The following TIAM1 variants were observed in gnomAD, a reference collection of about 807,000 sequenced individuals.
TIAM1 encodes the protein TIAM Rac1 associated GEF 1.
TIAM1 carries 65 observed loss-of-function variants against 163.5 expected under a neutral mutation model. The ratio of observed to expected loss-of-function variants is 0.40; its 90% CI spans 0.33 to 0.49. The LOEUF (loss-of-function observed/expected upper bound fraction) is 0.49. Ranked by LOEUF, TIAM1 falls within the 20% of genes least tolerant of loss-of-function variation. The pLI is 0.77. For missense variants in TIAM1, 1,789 were observed against 2,044.7 expected (o/e 0.87, Z 2.41); for synonymous variants, 833 against 810.1 (o/e 1.03, Z -0.48).
intron 15 of TIAM1, among the ~76,000 whole-genome samples, chr21:31,172,478 C>G (rs1022370883): frequency 6.6e-6 from 1 of 152,132 alleles, no homozygotes; most frequent in African/African-American, 2.4e-5. Flanking sequence ...AAACAAAGCA[C>G]GACAGCTCTG....
Position 31,225,528 on chromosome 21 carries a change from C to T in TIAM1, c.1809+198G>A, listed in dbSNP as rs192094703. On this transcript the variant is annotated intron_variant, in intron 7 of 27. Transcript: ENST00000541036. ...TCTTTCATTCAATGTAATATTGTTC[C>T]GTTTAGCTATTAACAATCAGCTATG... Among the ~76,000 whole-genome samples, 7 of 152,120 alleles carry T rather than the reference C, an allele frequency of 4.6e-5. No homozygotes were observed. In the East Asian group the frequency reaches 7.7e-4, roughly 17 times the overall value.
chr21:31,504,369 G>T (rs1205564394), intron 1 of TIAM1, among the ~76,000 whole-genome samples: 1 of 152,162 alleles, frequency 6.6e-6, no homozygotes, highest in African/African-American at 2.4e-5. Context: ...TTCATTCCCC[G>T]ATACTTTTCA....
chr21:31,312,710 G>A (rs968337727), intron 2 of TIAM1, among the ~76,000 whole-genome samples: 8 of 152,122 alleles, frequency 5.3e-5, no homozygotes, highest in Non-Finnish European at 1.0e-4. Flanking sequence ...TATGGCCCAA[G>A]TTCTCGAAAG....
intron 2 of TIAM1, among the ~76,000 whole-genome samples, chr21:31,376,047 A>G (rs1439041659): frequency 6.7e-6 from 1 of 149,930 alleles, no homozygotes; most frequent in Non-Finnish European, 1.5e-5. Flanking sequence ...TAAAAAAAAA[A>G]GAGTAGAAAA....
At chr21:31,478,549 G>A (rs1424868545) in intron 1 of TIAM1, among the ~76,000 whole-genome samples, 2 of 152,162 alleles carry the variant, frequency 1.3e-5, no homozygotes, top group Admixed American at 1.3e-4. Context: ...TTTAAATGGA[G>A]TCCTCTGGAA....
chr21:31,475,058 ATTAT>A (rs1340216277), intron 1 of TIAM1, among the ~76,000 whole-genome samples: 4,352 of 56,312 alleles, frequency 0.077, 112 homozygotes, highest in African/African-American at 0.18. Flanking sequence ...TATTATTATT[ATTAT>A]TTAGTTTTAG....
chr21:31,518,779 T>C (rs1383131076), intron 1 of TIAM1, among the ~76,000 whole-genome samples: 1 of 152,264 alleles, frequency 6.6e-6, no homozygotes, highest in East Asian at 1.9e-4. Context: ...GTGCAAGTAA[T>C]AGCAATCTGA....
intron 2 of TIAM1, among the ~76,000 whole-genome samples, chr21:31,410,205 AGT>A (rs1555971303): frequency 3.0e-4 from 45 of 151,454 alleles, no homozygotes; most frequent in Middle Eastern, 3.4e-3. Context: ...AGTGATTGTG[AGT>A]GTGTGTGAGA....
At chr21:31,503,562 A>G in intron 1 of TIAM1, among the ~76,000 whole-genome samples, 1 of 91,658 alleles carries the variant, frequency 1.1e-5, no homozygotes, top group Admixed American at 1.5e-4. Context: ...GGAGGGAAGG[A>G]GGGAAAGAAG....
At position 31,359,844 on chromosome 21, in the gene TIAM1, GGAAGGAAGGA is replaced by G. The variant is rs2076378012; in HGVS notation, c.-368-20432_-368-20423del. ...AGGAAGGAAGGAAGGAAGGAAGGAA[GGAAGGAAGGA>G]AGGAAGGAAGGGAGGGAGGGAGGAA... On this transcript the variant is annotated intron_variant, in intron 2 of 28. Transcript: ENST00000286827. Among the ~76,000 whole-genome samples the G allele has an allele frequency of 9.1e-3, 1,299 of 142,246 alleles. 50 individuals carry two copies. The highest frequency in any genetic ancestry group is 0.033 in the African/African-American group (1,214 of 36,342). The allele number at this position is 142,246 out of a possible 152,430, so 93.3% of individuals were successfully genotyped here. A position where few individuals can be genotyped will look rare whatever the true frequency, so the allele number is the denominator to read the frequency against.
At chr21:31,159,936 T>C (rs2083824761) in intron 16 of TIAM1, among the ~76,000 whole-genome samples, 1 of 152,170 alleles carries the variant, frequency 6.6e-6, no homozygotes, top group Non-Finnish European at 1.5e-5. Flanking sequence ...AACCCTTCTA[T>C]ATCTATCTCC....
At chr21:31,456,288 AG>A (rs1369986019) in intron 2 of TIAM1, among the ~76,000 whole-genome samples, 1 of 152,230 alleles carries the variant, frequency 6.6e-6, no homozygotes, top group Non-Finnish European at 1.5e-5. Flanking sequence ...AGGCTCAGGA[AG>A]GAAGACTCTC....
intron 4 of TIAM1, among the ~76,000 whole-genome samples, chr21:31,264,115 G>A (rs1300963367): frequency 6.6e-6 from 1 of 152,142 alleles, no homozygotes; most frequent in Non-Finnish European, 1.5e-5. Flanking sequence ...TTGGTTTCTA[G>A]GACACAAGTG....
intron 2 of TIAM1, among the ~76,000 whole-genome samples, chr21:31,331,942 G>A (rs987996025): frequency 5.9e-5 from 9 of 152,104 alleles, no homozygotes; most frequent in Non-Finnish European, 1.2e-4. Context: ...TAACTACAAG[G>A]TCCCAGCGAA....
intron 1 of TIAM1, among the ~76,000 whole-genome samples, chr21:31,521,252 G>A (rs915374703): frequency 5.9e-5 from 9 of 152,266 alleles, no homozygotes; most frequent in Admixed American, 4.6e-4. Context: ...CCGGAGAGCT[G>A]GCAAAATGAC....
At chr21:31,502,414 A>T (rs1422128384) in intron 1 of TIAM1, among the ~76,000 whole-genome samples, 2 of 152,166 alleles carry the variant, frequency 1.3e-5, no homozygotes, top group African/African-American at 2.4e-5. Context: ...CTGGGATTAC[A>T]GGTGTAAGCC....
intron 2 of TIAM1, among the ~76,000 whole-genome samples, chr21:31,449,804 G>A (rs1213816337): frequency 1.3e-5 from 2 of 152,198 alleles, no homozygotes; most frequent in African/African-American, 4.8e-5. Context: ...GGTAGGCCTG[G>A]TTTGTAGTCA....
chr21:31,337,788 C>CCTAA (rs1458975478), intron 2 of TIAM1, among the ~76,000 whole-genome samples: 9 of 152,026 alleles, frequency 5.9e-5, no homozygotes, highest in African/African-American at 1.7e-4. Flanking sequence ...CCTCGGCCTC[C>CCTAA]CTAACTGCTG....
At chr21:31,472,127 T>C (rs1279689743) in intron 1 of TIAM1, among the ~76,000 whole-genome samples, 2 of 152,110 alleles carry the variant, frequency 1.3e-5, no homozygotes, top group Non-Finnish European at 2.9e-5. Context: ...GTGTGCAAGT[T>C]ATATCATCTC....
Sources: allele counts gnomAD v4.1 joint callset (sites outside exome capture counted in the v4.1 genomes callset), GRCh38; gene constraint gnomAD v4.1.1; transcripts MANE v1.5; gene names NCBI Gene and HGNC (gene_info 2026-07-23, HGNC 2026-07-21).